Variants in PICALM observed in about 807,000 individuals in gnomAD.
The protein encoded by PICALM is phosphatidylinositol binding clathrin assembly protein.
In PICALM, 40 loss-of-function variants were observed where a neutral mutation model predicts 80.5. The observed-to-expected ratio is 0.50, with a 90% CI of 0.39 to 0.65. The LOEUF is 0.65. PICALM is among the 30% of genes least tolerant of loss of function. The probability of loss-of-function intolerance (pLI) is 0.00; values close to 1 mark genes in which losing one functional copy is unlikely to be tolerated. For synonymous variants in PICALM, 288 were observed against 260.3 expected (o/e 1.11, Z -1.02); for missense variants, 676 against 778.9 (o/e 0.87, Z 1.57).
chr11:85,966,578 A>G (rs897936126), intron 19 of PICALM, among the ~76,000 whole-genome samples: 2 of 152,212 alleles, frequency 1.3e-5, no homozygotes, highest in Non-Finnish European at 2.9e-5. Flanking sequence ...CTCTCAACAC[A>G]TGGTTAGCTG....
intron 8 of PICALM, among the ~76,000 whole-genome samples, chr11:86,005,774 C>T (rs1050803505): frequency 2.1e-5 from 3 of 146,264 alleles, no homozygotes; most frequent in African/African-American, 7.8e-5. Context: ...AAAGAAATTA[C>T]CAAAAAAAAA....
At chr11:86,005,566 G>A (rs1014987871) in intron 8 of PICALM, among the ~76,000 whole-genome samples, 2 of 152,062 alleles carry the variant, frequency 1.3e-5, no homozygotes, top group African/African-American at 4.8e-5. Context: ...TTAGTTGGGT[G>A]TGGTGGCATA....
chr11:85,966,213 T>A (rs995206278), intron 19 of PICALM, among the ~76,000 whole-genome samples: 7 of 151,134 alleles, frequency 4.6e-5, no homozygotes, highest in South Asian at 2.1e-4. Flanking sequence ...TAAAACTGTT[T>A]TTCCCCCCCC....
At chr11:86,000,501 C>A (rs1592746948) in intron 11 of PICALM, 142 bp downstream of exon 11, 2 of 586,256 alleles carry the variant, frequency 3.4e-6, no homozygotes, top group Non-Finnish European at 3.0e-6. Context: ...GGTATTATAC[C>A]AATATCACCA....
At chr11:85,974,921 CA>C in intron 18 of PICALM, 109 bp from the exon 19 acceptor site, 1 of 747,232 alleles carries the variant, frequency 1.3e-6, no homozygotes. Context: ...TTGCTTGACT[CA>C]AAGGGTAACT....
In PICALM at chr11:86,037,252, AAAGAAAAT is replaced by A. The variant is rs1270971233; in HGVS notation, c.131-5649_131-5642del. On this transcript the variant is annotated intron_variant, in intron 1 of 19. Coordinates refer to ENST00000393346, the MANE Select transcript of PICALM (RefSeq NM_007166.4). ...GAGCCACCACACCCAGCCAAAAAAAAAAGAAAATTTTTTTTTTTTTTTTTTGAGACGGA... is the reference window on the plus strand; with the variant it reads ...GAGCCACCACACCCAGCCAAAAAAAATTTTTTTTTTTTTTTTTGAGACGGA... Among the ~76,000 whole-genome samples, 3 of 134,790 alleles carry A rather than the reference AAAGAAAAT, an allele frequency of 2.2e-5. 1 individual carries two copies. The highest frequency in any genetic ancestry group is 4.8e-5 in the Non-Finnish European group (3 of 63,028). The allele number at this position is 134,790 out of a possible 152,430, so 88.4% of individuals were successfully genotyped here. A position where few individuals can be genotyped will look rare whatever the true frequency, so the allele number is the denominator to read the frequency against.
intron 1 of PICALM, among the ~76,000 whole-genome samples, chr11:86,050,443 C>T (rs1353713294): frequency 6.6e-6 from 1 of 152,108 alleles, no homozygotes; most frequent in Non-Finnish European, 1.5e-5. Context: ...ACTGATGCAG[C>T]CTTGACCTAT....
chr11:86,068,562 T>C (rs1434665893), intron 1 of PICALM, 89 bp downstream of exon 1: 1 of 1,260,176 alleles, frequency 7.9e-7, no homozygotes, highest in African/African-American at 1.5e-5. Flanking sequence ...GAAGAGGCAG[T>C]AGAAGGGTGA....
chr11:86,024,211 T>A (rs889223056), intron 3 of PICALM, among the ~76,000 whole-genome samples: 1 of 152,136 alleles, frequency 6.6e-6, no homozygotes, highest in African/African-American at 2.4e-5. Context: ...GTCTACTGTT[T>A]TAATTTTTTT....
chr11:85,976,690 A>C lies in PICALM; in HGVS notation c.1780-8T>G. On this transcript the variant is annotated splice_region_variant and splice_polypyrimidine_tract_variant and intron_variant, in intron 17 of 19. Transcript: ENST00000393346. The stretch of plus-strand genomic sequence containing the variant: ...GGCCATTACAGGGGGTGCCTAACAT[A>C]GTGAAAGGAAAAATGAACAAGAAAG... 6.4e-7 allele frequency: 1 copy of C among 1,553,006 alleles called. No individual in the cohort carries two copies. The highest frequency in any genetic ancestry group is 8.9e-7 in the Non-Finnish European group (1 of 1,124,762).
chr11:85,976,476 G>T (rs1373393178), intron 18 of PICALM, 147 bp downstream of exon 18: 1 of 554,984 alleles, frequency 1.8e-6, no homozygotes, highest in African/African-American at 1.9e-5. Context: ...ACATACTTAT[G>T]AAACCAATGC....
In PICALM at chr11:86,068,727, G is replaced by A. The variant is rs765976024; in HGVS notation, c.54C>T (p.Thr18=). 1.2e-6 allele frequency: 2 copies of A among 1,613,004 alleles called. No individual in the cohort carries two copies. The highest frequency in any genetic ancestry group is 1.1e-5 in the South Asian group (1 of 91,060). The change falls in exon 1 of 20, where the codon ACC becomes ACT. Residue 18 remains threonine, a synonymous_variant. Transcript: ENST00000393346. The part of the protein sequence containing the change: ...DRITAAQHSV[T]GSAVSKTVCK... The stretch of plus-strand genomic sequence containing the variant: ...ATACTGTCTTGGATACGGCAGAGCC[G>A]GTGACACTGTGCTGGGCGGCAGTGA...
At chr11:86,033,487 T>C (rs1389698332) in intron 1 of PICALM, among the ~76,000 whole-genome samples, 1 of 152,208 alleles carries the variant, frequency 6.6e-6, no homozygotes, top group East Asian at 1.9e-4. Context: ...GCTAGATACC[T>C]ATGCTGCTTG....
rs138888937 is a variant in PICALM, at chr11:86,011,829, C to T, written c.658+452G>A. Among the ~76,000 whole-genome samples the T allele has an allele frequency of 5.5e-3, 823 of 149,952 alleles. 4 individuals are homozygous for T. Among genetic ancestry groups the T allele is most frequent in the Middle Eastern group, 0.021 (6 of 290 alleles). On this transcript the variant is annotated intron_variant, in intron 6 of 19. Transcript: ENST00000393346. ...TTTTATTGTGGTAAAATACCTGTAA[C>T]ATAAAACTTACTATCCTTTTTGTTT...
intron 19 of PICALM, among the ~76,000 whole-genome samples, chr11:85,969,492 A>C (rs1397912627): frequency 6.6e-6 from 1 of 152,228 alleles, no homozygotes; most frequent in African/African-American, 2.4e-5. Context: ...TCTGCCCTTA[A>C]TAATTTTTTA....
At chr11:85,982,506 C>A (rs913343198) in intron 14 of PICALM, among the ~76,000 whole-genome samples, 2 of 136,388 alleles carry the variant, frequency 1.5e-5, no homozygotes, top group Admixed American at 1.6e-4. Flanking sequence ...CGGCTCACTG[C>A]AAGCTCCACT....
At chr11:86,035,079 A>C (rs1340925481) in intron 1 of PICALM, among the ~76,000 whole-genome samples, 2 of 152,198 alleles carry the variant, frequency 1.3e-5, no homozygotes, top group African/African-American at 4.8e-5. Flanking sequence ...AAAACAATAG[A>C]AAAACAGTGA....
At chr11:85,977,118 T>G (rs1183426213) in intron 17 of PICALM, 1 of 153,400 alleles carries the variant, frequency 6.5e-6, no homozygotes, top group Non-Finnish European at 1.5e-5. Flanking sequence ...AATGTAAAGA[T>G]CTCAAATCAA....
intron 19 of PICALM, among the ~76,000 whole-genome samples, chr11:85,967,376 TCTA>T (rs10551252): frequency 0.25 from 37,756 of 152,030 alleles, 4,847 homozygotes; most frequent in African/African-American, 0.31. Flanking sequence ...AAATTAGATT[TCTA>T]CCTTTTCGAG....
Sources: gnomAD v4.1 joint callset for allele counts (sites outside exome capture counted in the v4.1 genomes callset) on GRCh38, gnomAD v4.1.1 for gene constraint, MANE v1.5 for transcripts, NCBI Gene and HGNC (gene_info 2026-07-23, HGNC 2026-07-21) for gene names.